Variants in MYO5B observed in about 807,000 individuals in gnomAD.
The protein encoded by MYO5B is myosin VB, also known as unconventional myosin-Vb.
MYO5B carries 143 observed loss-of-function variants against 229.3 expected under a neutral mutation model. The observed-to-expected ratio is 0.62, with a 90% CI of 0.54 to 0.72. MYO5B has a LOEUF of 0.72. Among genes scored for constraint, MYO5B ranks in the 30% least tolerant of loss-of-function variants. MYO5B has a pLI of 0.00. For synonymous variants in MYO5B, 918 were observed against 885.2 expected (o/e 1.04, Z -0.66); for missense variants, 2,321 against 2,331.0 (o/e 1.00, Z 0.09).
intron 1 of MYO5B, among the ~76,000 whole-genome samples, chr18:50,062,725 G>A (rs186526834): frequency 6.6e-6 from 1 of 152,304 alleles, no homozygotes; most frequent in East Asian, 1.9e-4. Flanking sequence ...CAGTGGTGAT[G>A]ATTAGTCCTG....
At position 49,938,713 on chromosome 18, in the gene MYO5B, T is replaced by A. The variant is rs16951255; in HGVS notation, c.1753-1316A>T. On this transcript the variant is annotated intron_variant, in intron 14 of 39. Transcript: ENST00000285039. Reference sequence around the variant, plus strand: ...TCTCAGACAATACCTTGCAAAACCATCCAACTGGTCACGTTGCTGTCTCAT... The same window carrying A: ...TCTCAGACAATACCTTGCAAAACCAACCAACTGGTCACGTTGCTGTCTCAT... Among the ~76,000 whole-genome samples the A allele has an allele frequency of 8.5e-3, 1,300 of 152,234 alleles. 15 individuals are homozygous for A. Among genetic ancestry groups the A allele is most frequent in the African/African-American group, 0.026 (1,063 of 41,506 alleles).
intron 4 of MYO5B, among the ~76,000 whole-genome samples, chr18:50,018,290 A>ATTTTTTTTTTTTTT (rs5824818): frequency 6.8e-6 from 1 of 146,650 alleles, no homozygotes. Context: ...ACATATACCC[A>ATTTTTTTTTTTTTT]TTTTTTTTTT....
intron 36 of MYO5B, among the ~76,000 whole-genome samples, chr18:49,838,283 C>A (rs1425643315): frequency 6.6e-6 from 1 of 152,152 alleles, no homozygotes; most frequent in Non-Finnish European, 1.5e-5. Context: ...AGGTATAAAG[C>A]GGTTAAATAA....
At chr18:50,177,036 T>C (rs931798917) in intron 1 of MYO5B, among the ~76,000 whole-genome samples, 1 of 152,218 alleles carries the variant, frequency 6.6e-6, no homozygotes, top group African/African-American at 2.4e-5. Flanking sequence ...TAATGAGCAT[T>C]GAGCTTTGAA....
intron 29 of MYO5B, among the ~76,000 whole-genome samples, chr18:49,860,571 A>G (rs942010758): frequency 6.6e-6 from 1 of 152,176 alleles, no homozygotes; most frequent in Non-Finnish European, 1.5e-5. Flanking sequence ...ACAAGGGAAA[A>G]GACACAGTTA....
chr18:49,896,069 C>T (rs2024775723), intron 21 of MYO5B, among the ~76,000 whole-genome samples: 1 of 152,208 alleles, frequency 6.6e-6, no homozygotes. Flanking sequence ...GCGGCCAAAT[C>T]ACCGATAAGC....
In MYO5B at chr18:49,864,391, G is replaced by A; in HGVS notation, c.3604-11C>T. 1 of 1,612,282 alleles carries A rather than the reference G, an allele frequency of 6.2e-7. No homozygotes were observed. Among genetic ancestry groups the A allele is most frequent in the Non-Finnish European group, 8.5e-7 (1 of 1,179,972 alleles). On this transcript the variant is annotated splice_polypyrimidine_tract_variant and intron_variant, in intron 27 of 39. Transcript: ENST00000285039. The stretch of plus-strand genomic sequence containing the variant: ...CTCCAGCTCTTGCCTCTGGAAGACA[G>A]CCCAAGGGCCGCTGCCATTACTCCC...
chr18:49,848,147 C>G (rs370317089), intron 32 of MYO5B, among the ~76,000 whole-genome samples: 3 of 152,206 alleles, frequency 2.0e-5, no homozygotes, highest in African/African-American at 2.4e-5. Flanking sequence ...TAATCTGTCC[C>G]TGGCCAGTCG....
chr18:49,826,473 A>G lies in MYO5B; in HGVS notation c.5545T>C (p.Ter1849ArgextTer9), dbSNP rs2023847337. ...ACTAATGCTGGAAACATGCATCTTC[A>G]GACTTCATTGAGGAATTCCAGATTG... ...CLNLEFLNEV[*>R] The change falls in exon 40 of 40, where the codon TGA becomes CGA. Residue 1849 changes from the stop codon to arginine, a stop_lost. Transcript: ENST00000285039. 1 of 1,613,818 alleles carries G rather than the reference A, an allele frequency of 6.2e-7. No homozygotes were observed. Among genetic ancestry groups the G allele is most frequent in the Admixed American group, 1.7e-5 (1 of 59,992 alleles).
chr18:50,029,730 C>T (rs1488602083), intron 4 of MYO5B, among the ~76,000 whole-genome samples: 1 of 152,158 alleles, frequency 6.6e-6, no homozygotes, highest in African/African-American at 2.4e-5. Context: ...AGAAGCAAGG[C>T]CAATGTTCCC....
intron 37 of MYO5B, 119 bp downstream of exon 37, chr18:49,837,398 A>C: frequency 8.0e-7 from 1 of 1,249,370 alleles, no homozygotes; most frequent in South Asian, 1.2e-5. Context: ...TGATGGAGAC[A>C]AGGACTGTCA....
chr18:50,046,172 C>T (rs980332949), intron 2 of MYO5B, among the ~76,000 whole-genome samples: 2 of 152,112 alleles, frequency 1.3e-5, no homozygotes, highest in African/African-American at 2.4e-5. Context: ...GAAATCGCAC[C>T]GAATAGGAGT....
At chr18:49,987,292 C>T (rs1300946873) in intron 7 of MYO5B, among the ~76,000 whole-genome samples, 1 of 152,184 alleles carries the variant, frequency 6.6e-6, no homozygotes, top group East Asian at 1.9e-4. Flanking sequence ...AAATGATCAT[C>T]TTTCCATATG....
chr18:50,096,441 C>A lies in MYO5B; in HGVS notation c.28-41063G>T, dbSNP rs116834385. On this transcript the variant is annotated intron_variant, in intron 1 of 39. Transcript: ENST00000285039. Reference sequence around the variant, plus strand: ...GTTGTCTTGCCTTCAGCCTCTCCCCCCTCCAATCCATCCCACCAAGAGCTA... The same window carrying A: ...GTTGTCTTGCCTTCAGCCTCTCCCCACTCCAATCCATCCCACCAAGAGCTA... Among the ~76,000 whole-genome samples the A allele has an allele frequency of 5.3e-5, 8 of 152,250 alleles. No homozygotes were observed. In the South Asian group the frequency reaches 6.2e-4, roughly 12 times the overall value.
At chr18:50,016,921 C>A (rs1217136498) in intron 4 of MYO5B, among the ~76,000 whole-genome samples, 1 of 151,538 alleles carries the variant, frequency 6.6e-6, no homozygotes, top group Non-Finnish European at 1.5e-5. Flanking sequence ...CTAAAGCTAC[C>A]CCTACCCCAA....
chr18:50,064,775 A>T (rs1239926399), intron 1 of MYO5B, among the ~76,000 whole-genome samples: 2 of 152,242 alleles, frequency 1.3e-5, no homozygotes, highest in African/African-American at 2.4e-5. Context: ...ATATTTATGC[A>T]GTCTAAGTTT....
At chr18:50,139,222 G>A (rs2144283600) in intron 1 of MYO5B, among the ~76,000 whole-genome samples, 1 of 152,280 alleles carries the variant, frequency 6.6e-6, no homozygotes, top group African/African-American at 2.4e-5. Context: ...AGATGTGGGG[G>A]GCCCTGCAGG....
chr18:50,036,979 G>C lies in MYO5B; in HGVS notation c.326C>G (p.Ala109Gly), dbSNP rs754808459. ...IYTYCGIVLV[A>G]INPYEQLPIY... ...TGGCAACTGTTCATAAGGATTAATGGCAACAAGTACGATACCTGCAAACAG... is the reference window on the plus strand; with the variant it reads ...TGGCAACTGTTCATAAGGATTAATGCCAACAAGTACGATACCTGCAAACAG... Residue 109 changes from alanine (A) to glycine (G), a missense_variant, in exon 4 of 40, where the codon GCC (alanine) becomes GGC (glycine). Around this residue, in one of 2 missense-constraint regions of MYO5B, gnomAD observed 2,113 missense variants for 2,044.7 expected, o/e 1.03. Coordinates refer to ENST00000285039, the MANE Select transcript of MYO5B (RefSeq NM_001080467.3). 6.2e-7 allele frequency: 1 copy of C among 1,614,080 alleles called. No homozygotes were observed. The highest frequency in any genetic ancestry group is 1.1e-5 in the South Asian group (1 of 91,076).
At chr18:50,083,722 A>T (rs1376016196) in intron 1 of MYO5B, among the ~76,000 whole-genome samples, 1 of 152,132 alleles carries the variant, frequency 6.6e-6, no homozygotes, top group South Asian at 2.1e-4. Context: ...CAACTACATG[A>T]GCTCAGTTAC....
Sources: allele counts gnomAD v4.1 joint callset (sites outside exome capture counted in the v4.1 genomes callset), GRCh38; gene constraint gnomAD v4.1.1; regional missense constraint gnomAD v4.1.1; transcripts MANE v1.5; gene names NCBI Gene and HGNC (gene_info 2026-07-23, HGNC 2026-07-21).